The following EXOC3 variants were observed in gnomAD, a reference collection of about 807,000 sequenced individuals.
The protein encoded by EXOC3 is SEC6-like 1.
EXOC3 carries 21 observed loss-of-function variants against 73.7 expected under a neutral mutation model. The observed-to-expected ratio is 0.29, with a 90% CI of 0.20 to 0.41. The LOEUF (loss-of-function observed/expected upper bound fraction) is 0.41. Ranked by LOEUF, EXOC3 falls within the 10% of genes least tolerant of loss-of-function variation. EXOC3 has a pLI of 1.00. For synonymous variants in EXOC3, 410 were observed against 389.1 expected, an observed-to-expected ratio of 1.05 and a Z score of -0.63; for missense variants, 842 against 985.1, an observed-to-expected ratio of 0.85 and a Z score of 1.95.
intron 12 of EXOC3, 61 bp downstream of exon 12, chr5:465,906 CCTT>C (rs1023726032): frequency 1.4e-5 from 22 of 1,541,438 alleles, no homozygotes; most frequent in Admixed American, 7.8e-5. Flanking sequence ...GCAGGTCCCT[CCTT>C]CTGTCTGGGG....
intron 1 of EXOC3, among the ~76,000 whole-genome samples, chr5:443,969 G>A (rs776137710): frequency 6.6e-6 from 1 of 150,902 alleles, no homozygotes; most frequent in Non-Finnish European, 1.5e-5. Context: ...CTCCAGCGGA[G>A]TGTCCCCTCC....
At chr5:451,135 A>C (rs1307093620) in intron 3 of EXOC3, among the ~76,000 whole-genome samples, 1 of 151,780 alleles carries the variant, frequency 6.6e-6, no homozygotes, top group Non-Finnish European at 1.5e-5. Flanking sequence ...TTATTTCTGC[A>C]TTTTTTTTGT....
intron 9 of EXOC3, among the ~76,000 whole-genome samples, chr5:464,004 G>A (rs1234202677): frequency 6.6e-6 from 1 of 152,254 alleles, no homozygotes; most frequent in East Asian, 1.9e-4. Flanking sequence ...TTACCTGAGT[G>A]CGCATTGCTG....
chr5:443,361 C>G (rs1737397294), intron 1 of EXOC3, 71 bp downstream of exon 1: 1 of 153,208 alleles, frequency 6.5e-6, no homozygotes, highest in African/African-American at 2.4e-5. Context: ...TCCTTGCTCT[C>G]CCTGTCTCTG....
At chr5:454,155 C>T in intron 4 of EXOC3, 104 bp downstream of exon 4, 1 of 963,598 alleles carries the variant, frequency 1.0e-6, no homozygotes, top group African/African-American at 1.6e-5. Flanking sequence ...TTGCTCTGGG[C>T]AGGTGCTCCG....
intron 2 of EXOC3, 182 bp from the exon 3 acceptor site, chr5:447,351 A>G (rs1737536830): frequency 1.8e-6 from 1 of 567,028 alleles, no homozygotes. Flanking sequence ...AGCAATGAAG[A>G]AAAAGGTACA....
intron 5 of EXOC3, 156 bp from the exon 6 acceptor site, chr5:457,744 G>A: frequency 1.4e-6 from 1 of 739,122 alleles, no homozygotes; most frequent in Non-Finnish European, 2.1e-6. Context: ...GGTGGCTCCT[G>A]GGTCCCTGCT....
intron 3 of EXOC3, among the ~76,000 whole-genome samples, chr5:450,768 C>T (rs954089259): frequency 6.6e-6 from 1 of 150,488 alleles, no homozygotes; most frequent in African/African-American, 2.4e-5. Context: ...TCTATTAATA[C>T]ATATGGCCTT....
At chr5:460,865 T>C (rs183075541) in intron 7 of EXOC3, among the ~76,000 whole-genome samples, 33 of 152,380 alleles carry the variant, frequency 2.2e-4, no homozygotes, top group African/African-American at 7.2e-4. Flanking sequence ...AACCACACTT[T>C]GGACAGAAAT....
At chr5:448,889 C>T (rs922235414) in intron 3 of EXOC3, among the ~76,000 whole-genome samples, 9 of 152,222 alleles carry the variant, frequency 5.9e-5, no homozygotes, top group African/African-American at 9.6e-5. Context: ...ATGCCCAACA[C>T]GAACGCCACT....
Position 443,239 on chromosome 5 carries a change from GGCGGCGGCGGC to G in EXOC3, c.-106_-96del, listed in dbSNP as rs1560933102. On this transcript the variant is annotated 5_prime_UTR_variant, in exon 1 of 13. Transcript: ENST00000512944. ...CGGAGGGGGCGGCGGGGGCGGCGGC[GGCGGCGGCGGC>G]GGCGGCGGCGGCGGCGGCGGCGGCG... is the stretch of plus-strand genomic sequence containing the variant. 774 of 5,912 alleles carry G rather than the reference GGCGGCGGCGGC, an allele frequency of 0.13. 7 individuals are homozygous for G. The highest frequency in any genetic ancestry group is 0.21 in the African/African-American group (181 of 878). 0.4% of individuals were successfully genotyped at this position (5,912 alleles called of 1,614,324 possible).
At chr5:462,370 T>G in intron 9 of EXOC3, 63 bp downstream of exon 9, 1 of 1,568,652 alleles carries the variant, frequency 6.4e-7, no homozygotes, top group Non-Finnish European at 8.8e-7. Flanking sequence ...CTCACTGCCC[T>G]CTGGGACACA....
At position 466,730 on chromosome 5, in the gene EXOC3, T is replaced by C. The variant is rs553092613; in HGVS notation, c.2070T>C (p.Asp690=). 2.5e-6 allele frequency: 4 copies of C among 1,612,178 alleles called. No homozygotes were observed. The East Asian group carries it at 8.9e-5, about 36-fold the overall frequency. ...TLVSKYPDIR[D]DHIGALLAVR... is the part of the protein sequence containing the mutation. ...GCTGACATCTCCCCATCCCCAGGGA[T>C]GACCACATCGGTGCGCTGCTGGCTG... Residue 690 remains aspartate, a synonymous_variant, in exon 13 of 13, where the codon GAT becomes GAC. Transcript: ENST00000512944.
rs1737376967 is a variant in EXOC3 at position 443,200 on chromosome 5, GGAGGCAGCGA to G, written c.-146_-137del. ...CACTTCCGGCCGGGACCCCGGAGGC[GGAGGCAGCGA>G]AGGCGGAGGGGGCGGCGGGGGCGGC... On this transcript the variant is annotated 5_prime_UTR_variant, in exon 1 of 13. Transcript: ENST00000512944. The G allele has an allele frequency of 6.1e-6, 1 of 162,632 alleles. No individual in the cohort carries two copies. Among genetic ancestry groups the G allele is most frequent in the Non-Finnish European group, 1.3e-5 (1 of 75,574 alleles). The allele number at this position is 162,632 out of a possible 1,614,324, so 10.1% of individuals were successfully genotyped here.
chr5:458,196 C>T (rs1337655723), intron 6 of EXOC3, among the ~76,000 whole-genome samples, 171 bp downstream of exon 6: 1 of 152,264 alleles, frequency 6.6e-6, no homozygotes, highest in Admixed American at 6.5e-5. Context: ...CTCTTACTCT[C>T]TGGAGCTGCA....
intron 1 of EXOC3, 126 bp from the exon 2 acceptor site, chr5:446,024 C>T (rs1737495757): frequency 3.1e-6 from 2 of 645,786 alleles, no homozygotes; most frequent in East Asian, 2.8e-5. Context: ...CATCCTAGTT[C>T]AGCTTTCTTT....
chr5:457,865 C>G (rs749928496), intron 5 of EXOC3, 35 bp from the exon 6 acceptor site: 1 of 1,584,784 alleles, frequency 6.3e-7, no homozygotes, highest in Non-Finnish European at 8.6e-7. Context: ...CTGCTCTTCT[C>G]TCTTCTCTTC....
chr5:466,578 C>A, intron 12 of EXOC3, 149 bp from the exon 13 acceptor site: 1 of 660,006 alleles, frequency 1.5e-6, no homozygotes, highest in East Asian at 2.8e-5. Context: ...AGGCTTGTCT[C>A]CCGCTGAAAA....
At chr5:454,144 G>A in intron 4 of EXOC3, 93 bp downstream of exon 4, 1 of 1,080,476 alleles carries the variant, frequency 9.3e-7, no homozygotes, top group East Asian at 2.6e-5. Flanking sequence ...ACCTCAGGGT[G>A]TTGCTCTGGG....
Sources: allele counts gnomAD v4.1 joint callset (sites outside exome capture counted in the v4.1 genomes callset), GRCh38; gene constraint gnomAD v4.1.1; transcripts MANE v1.5; gene names NCBI Gene and HGNC (gene_info 2026-07-23, HGNC 2026-07-21).